The following TTC29 variants were observed in gnomAD, a reference collection of about 807,000 sequenced individuals.
TTC29 encodes the protein tetratricopeptide repeat domain 29.
Under a neutral mutation model 58.1 loss-of-function variants are expected in TTC29, and 49 were observed. The observed-to-expected ratio is 0.84, with a 90% CI of 0.67 to 1.07. The LOEUF is 1.07. TTC29 is among the 50% of genes least tolerant of loss of function. The probability of loss-of-function intolerance (pLI) is 0.00; values close to 1 mark genes in which losing one functional copy is unlikely to be tolerated. For synonymous variants in TTC29, 209 were observed against 196.8 expected (o/e 1.06, Z -0.52); for missense variants, 582 against 555.6 (o/e 1.05, Z -0.48).
intron 10 of TTC29, among the ~76,000 whole-genome samples, chr4:146,818,947 G>C (rs946994585): frequency 1.3e-5 from 2 of 151,832 alleles, no homozygotes; most frequent in African/African-American, 4.8e-5. Flanking sequence ...GGTGGGGGAT[G>C]GGGGAGGGAT....
In TTC29 at chr4:146,765,722, A is replaced by C. The variant is rs149250450; in HGVS notation, c.1330+37735T>G. 3.9e-5 allele frequency among the ~76,000 whole-genome samples: 6 copies of C among 152,296 alleles called. No homozygotes were observed. In the East Asian group the frequency reaches 1.2e-3, roughly 29 times the overall value. On this transcript the variant is annotated intron_variant, in intron 11 of 12. Transcript: ENST00000325106. The stretch of plus-strand genomic sequence containing the variant: ...TGGCCCCAAACGGAGTGAATGGATT[A>C]GACAAGCAGCCTTCATAAGACAGAC...
At chr4:146,928,317 T>C (rs764298377) in intron 4 of TTC29, among the ~76,000 whole-genome samples, 25 of 152,326 alleles carry the variant, frequency 1.6e-4, no homozygotes, top group Admixed American at 3.3e-4. Flanking sequence ...TCTCTGTGCA[T>C]CAATTTTTAG....
chr4:146,811,013 T>C (rs765001393), intron 10 of TTC29, among the ~76,000 whole-genome samples: 6 of 152,196 alleles, frequency 3.9e-5, no homozygotes, highest in Non-Finnish European at 5.9e-5. Flanking sequence ...ACTGAGAATA[T>C]TGAAGTATCC....
chr4:146,769,126 A>G (rs1465981725), intron 11 of TTC29, among the ~76,000 whole-genome samples: 1 of 151,888 alleles, frequency 6.6e-6, no homozygotes, highest in Non-Finnish European at 1.5e-5. Flanking sequence ...CCCACTTCAA[A>G]TCTTTCTTTC....
intron 10 of TTC29, among the ~76,000 whole-genome samples, chr4:146,808,134 A>G (rs1750748343): frequency 6.6e-6 from 1 of 152,242 alleles, no homozygotes; most frequent in African/African-American, 2.4e-5. Flanking sequence ...ACCAATGACA[A>G]AAACCACATG....
intron 2 of TTC29, chr4:146,942,926 T>C: frequency 3.8e-6 from 1 of 266,062 alleles, no homozygotes; most frequent in East Asian, 6.8e-5. Context: ...AACATCCAGC[T>C]ATTTGTAGAC....
intron 6 of TTC29, among the ~76,000 whole-genome samples, chr4:146,893,470 C>T (rs1732527612): frequency 6.6e-6 from 1 of 152,198 alleles, no homozygotes; most frequent in African/African-American, 2.4e-5. Context: ...GGAAAATTGG[C>T]TAGCCGTATA....
At chr4:146,750,784 A>T (rs1745921889) in intron 11 of TTC29, among the ~76,000 whole-genome samples, 1 of 152,244 alleles carries the variant, frequency 6.6e-6, no homozygotes, top group Non-Finnish European at 1.5e-5. Context: ...TCACAAAGGT[A>T]GACAACAGGA....
At chr4:146,875,484 C>T (rs112418074) in intron 6 of TTC29, among the ~76,000 whole-genome samples, 3 of 151,760 alleles carry the variant, frequency 2.0e-5, no homozygotes, top group African/African-American at 7.2e-5. Flanking sequence ...CAACAGATGA[C>T]AATTTCATCA....
intron 9 of TTC29, among the ~76,000 whole-genome samples, chr4:146,832,781 C>T (rs944949647): frequency 2.6e-5 from 4 of 152,200 alleles, no homozygotes; most frequent in South Asian, 2.1e-4. Context: ...CGTGAGCCAC[C>T]GTGCCTGGCC....
At chr4:146,845,300 C>T (rs2150174853) in intron 8 of TTC29, among the ~76,000 whole-genome samples, 1 of 152,184 alleles carries the variant, frequency 6.6e-6, no homozygotes, top group East Asian at 1.9e-4. Context: ...ATTCTTTCAG[C>T]CTGTGTCTAC....
chr4:146,917,238 G>C (rs1734282012), intron 4 of TTC29, among the ~76,000 whole-genome samples: 1 of 150,280 alleles, frequency 6.7e-6, no homozygotes. Context: ...TCATTAAAAT[G>C]AACATTGTTA....
At chr4:146,782,644 A>T (rs1428739281) in intron 11 of TTC29, among the ~76,000 whole-genome samples, 1 of 151,978 alleles carries the variant, frequency 6.6e-6, no homozygotes, top group Non-Finnish European at 1.5e-5. Context: ...TGTTTTTCAC[A>T]TATCAATGTA....
chr4:146,742,618 C>A (rs1364640675), intron 11 of TTC29, among the ~76,000 whole-genome samples: 1 of 146,340 alleles, frequency 6.8e-6, no homozygotes, highest in Admixed American at 6.9e-5. Flanking sequence ...TTCCTTCCCT[C>A]CCTTCCTTCC....
At chr4:146,892,310 T>C (rs1732425059) in intron 6 of TTC29, among the ~76,000 whole-genome samples, 1 of 152,146 alleles carries the variant, frequency 6.6e-6, no homozygotes, top group Admixed American at 6.5e-5. Context: ...ATACAGTCTG[T>C]GGAACTGTGA....
intron 11 of TTC29, among the ~76,000 whole-genome samples, chr4:146,775,948 T>A (rs1487881127): frequency 6.6e-6 from 1 of 152,232 alleles, no homozygotes; most frequent in African/African-American, 2.4e-5. Flanking sequence ...TCTCTTTCCA[T>A]AATCCCATAT....
chr4:146,763,158 A>G (rs1747035360), intron 11 of TTC29, among the ~76,000 whole-genome samples: 1 of 152,104 alleles, frequency 6.6e-6, no homozygotes, highest in Non-Finnish European at 1.5e-5. Context: ...CACTGAATTC[A>G]ACCAGTTCCC....
At chr4:146,940,804 A>T (rs73855095) in intron 2 of TTC29, among the ~76,000 whole-genome samples, 11,401 of 152,254 alleles carry the variant, frequency 0.075, 1,455 homozygotes, top group African/African-American at 0.26. Flanking sequence ...TATTTTAGAG[A>T]AAAGCCAGGC....
At chr4:146,765,487 C>A (rs1747237763) in intron 11 of TTC29, among the ~76,000 whole-genome samples, 1 of 152,116 alleles carries the variant, frequency 6.6e-6, no homozygotes, top group Admixed American at 6.6e-5. Context: ...AGGCACGAGC[C>A]AACGCGCTCA....
Sources: allele counts gnomAD v4.1 joint callset (sites outside exome capture counted in the v4.1 genomes callset), GRCh38; gene constraint gnomAD v4.1.1; transcripts MANE v1.5; gene names NCBI Gene and HGNC (gene_info 2026-07-23, HGNC 2026-07-21).